The following DNAH17 variants were observed in gnomAD, a reference collection of about 807,000 sequenced individuals.
DNAH17 encodes axonemal beta dynein heavy chain 17.
In DNAH17, 376 loss-of-function variants were observed where a neutral mutation model predicts 485.6. That is an observed-to-expected ratio of 0.77 (90% CI 0.71 to 0.84). The LOEUF (loss-of-function observed/expected upper bound fraction) is 0.84. Among genes scored for constraint, DNAH17 ranks in the 40% least tolerant of loss-of-function variants. The probability of loss-of-function intolerance (pLI) is 0.00; values close to 1 mark genes in which losing one functional copy is unlikely to be tolerated. For missense variants in DNAH17, 6,370 were observed against 5,839.3 expected, an observed-to-expected ratio of 1.09 and a Z score of -2.96; for synonymous variants, 3,031 against 2,405.9, an observed-to-expected ratio of 1.26 and a Z score of -7.60.
At chr17:78,566,052 T>C (rs560083302) in intron 11 of DNAH17, among the ~76,000 whole-genome samples, 2 of 152,128 alleles carry the variant, frequency 1.3e-5, no homozygotes, top group African/African-American at 2.4e-5. Flanking sequence ...CCTTCTGCCA[T>C]GTAAGGACCA....
At chr17:78,538,905 C>T (rs1365564316) in intron 18 of DNAH17, among the ~76,000 whole-genome samples, 1 of 152,038 alleles carries the variant, frequency 6.6e-6, no homozygotes, top group African/African-American at 2.4e-5. Flanking sequence ...GGCCTCCTGG[C>T]GGTACTCAAA....
rs1022495484 is a variant in DNAH17 at position 78,429,049 on chromosome 17, G to C, written c.12405+72C>G. 5 of 1,511,470 alleles carry C rather than the reference G, an allele frequency of 3.3e-6. No homozygotes were observed. The African/African-American group carries it at 6.9e-5, about 21-fold the overall frequency. The allele number at this position is 1,511,470 out of a possible 1,614,324, so 93.6% of individuals were successfully genotyped here. ...TTGCTCAATTATTGACACTCCATTT[G>C]TGCTGGCAGGCTCTCACCGGGAGGC... On this transcript the variant is annotated intron_variant, in intron 76 of 80. Coordinates refer to ENST00000389840, the MANE Select transcript of DNAH17 (RefSeq NM_173628.4).
In DNAH17 at chr17:78,450,251, C is replaced by T; in HGVS notation, c.11040+3G>A. The stretch of plus-strand genomic sequence containing the variant: ...GGCACCCAGCCCCAGCTGCAGGGCG[C>T]ACCTTGAGGGAGAACTGGTAGACGG... On this transcript the variant is annotated splice_donor_region_variant and intron_variant, in intron 68 of 80. Transcript: ENST00000389840. 4 of 1,613,678 alleles carry T rather than the reference C, an allele frequency of 2.5e-6. No individual in the cohort carries two copies. Among genetic ancestry groups the T allele is most frequent in the Non-Finnish European group, 2.5e-6 (3 of 1,179,750 alleles).
chr17:78,437,625 GC>G lies in DNAH17; in HGVS notation c.12033+15del. On this transcript the variant is annotated intron_variant, in intron 74 of 80. Transcript: ENST00000389840. ...GGCATGGGATGGGGAGGCAGCCCGA[GC>G]AGGCGTGGCCCTACCTGGGTGAACA... The G allele has an allele frequency of 6.3e-7, 1 of 1,586,434 alleles. No individual in the cohort carries two copies. Among genetic ancestry groups the G allele is most frequent in the Non-Finnish European group, 8.6e-7 (1 of 1,164,274 alleles).
chr17:78,515,067 G>C, intron 25 of DNAH17, 45 bp from the exon 26 acceptor site: 1 of 1,604,096 alleles, frequency 6.2e-7, no homozygotes. Flanking sequence ...TCATCAAGGA[G>C]AATTCAGGAA....
Position 78,425,310 on chromosome 17 carries a change from T to C in DNAH17, c.13141+36A>G, listed in dbSNP as rs773809922. The C allele has an allele frequency of 1.9e-6, 3 of 1,596,554 alleles. No individual in the cohort carries two copies. The South Asian group carries it at 3.3e-5, about 18-fold the overall frequency. ...TTGTCTTGGCAAGTAGCACTGGCTC[T>C]GGAAGCTTCTGCAGACAGACAAGAG... On this transcript the variant is annotated intron_variant, in intron 80 of 80. Coordinates refer to ENST00000389840, the MANE Select transcript of DNAH17 (RefSeq NM_173628.4).
At chr17:78,504,906 T>G (rs1388393297) in intron 31 of DNAH17, among the ~76,000 whole-genome samples, 2 of 138,312 alleles carry the variant, frequency 1.4e-5, no homozygotes, top group Non-Finnish European at 3.1e-5. Context: ...TTTTTTTTTT[T>G]TTTTTTTTTT....
intron 37 of DNAH17, among the ~76,000 whole-genome samples, chr17:78,497,960 C>T (rs692731): frequency 0.87 from 132,310 of 152,032 alleles, 58,009 homozygotes; most frequent in East Asian, 0.98. Flanking sequence ...CTGACCAACA[C>T]GGAGAAACCC....
Position 78,502,666 on chromosome 17 carries a change from C to G in DNAH17, c.5115G>C (p.Thr1705=), listed in dbSNP as rs369830967. 1 of 1,612,680 alleles carries G rather than the reference C, an allele frequency of 6.2e-7. No homozygotes were observed. The highest frequency in any genetic ancestry group is 1.3e-5 in the African/African-American group (1 of 74,952). ...TGGCAAATGCCAGGCCCACCTCGGT[C>G]GTCCACCAGATCTGGGTGCAAGTCA... ...VALTCTQIWW[T]TEVGLAFARL... is the part of the protein sequence containing the mutation. The change falls in exon 33 of 81, where the codon ACG becomes ACC. Residue 1705 remains threonine (T), a synonymous_variant. Coordinates refer to ENST00000389840, the MANE Select transcript of DNAH17 (RefSeq NM_173628.4).
chr17:78,499,175 G>A (rs2090183426), intron 36 of DNAH17, 63 bp from the exon 37 acceptor site: 2 of 1,214,662 alleles, frequency 1.6e-6, no homozygotes, highest in Non-Finnish European at 2.3e-6. Context: ...GGGCGCTGCA[G>A]GGGCCTCCCC....
rs74357643 is a variant in DNAH17, at chr17:78,479,387, A to G, written c.7900+98T>C. 54,875 of 1,361,088 alleles carry G rather than the reference A, an allele frequency of 0.04. 1,387 individuals carry two copies. The highest frequency in any genetic ancestry group is 0.1 in the African/African-American group (6,759 of 67,888). The allele number at this position is 1,361,088 out of a possible 1,614,324, so 84.3% of individuals were successfully genotyped here. On this transcript the variant is annotated intron_variant, in intron 50 of 80. Coordinates refer to ENST00000389840, the MANE Select transcript of DNAH17 (RefSeq NM_173628.4). ...GTTTTTAAGATATTGATTTAGAATT[A>G]TAAATAAAATATTTATCAAGGGAAA...
At chr17:78,493,942 C>G (rs948736022) in intron 41 of DNAH17, 94 bp downstream of exon 41, 249 of 1,472,524 alleles carry the variant, frequency 1.7e-4, no homozygotes, top group Middle Eastern at 1.5e-3. Flanking sequence ...TTGGGGTCTC[C>G]GGGGTGGCGG....
intron 49 of DNAH17, among the ~76,000 whole-genome samples, chr17:78,480,418 A>G (rs533683713): frequency 6.6e-6 from 1 of 152,170 alleles, no homozygotes; most frequent in African/African-American, 2.4e-5. Context: ...CTTAGACTAA[A>G]AACATATTTA....
In DNAH17 at chr17:78,441,119, C is replaced by A; in HGVS notation, c.11609G>T (p.Ser3870Ile). 6.2e-7 allele frequency: 1 copy of A among 1,613,874 alleles called. No individual in the cohort carries two copies. The highest frequency in any genetic ancestry group is 8.5e-7 in the Non-Finnish European group (1 of 1,179,860). Reference protein sequence around the residue: ...VEFSKSYEESSPSTSIFFILS... With the variant: ...VEFSKSYEESIPSTSIFFILS... ...GATGAAGAAGATTGACGTGGAGGGGCTGCTCTCCTCGTAGGACTTAGAAAA... is the reference window on the plus strand; with the variant it reads ...GATGAAGAAGATTGACGTGGAGGGGATGCTCTCCTCGTAGGACTTAGAAAA... Residue 3870 changes from serine (S) to isoleucine (I), a missense_variant, in exon 72 of 81, where the codon AGC (serine) becomes ATC (isoleucine). Coordinates refer to ENST00000389840, the MANE Select transcript of DNAH17 (RefSeq NM_173628.4).
At position 78,484,979 on chromosome 17, in the gene DNAH17, C is replaced by T. The variant is rs776857462; in HGVS notation, c.7538G>A (p.Gly2513Asp). ...GATGAAGTAGACGAGCTTCTTAGTG[C>T]CTGGCGGCCCGTAGTTCCTCCCCGA... ...KKSGRNYGPP[G>D]TKKLVYFIDD... Residue 2513 changes from glycine to aspartate, a missense_variant, in exon 48 of 81, where the codon GGC becomes GAC. By Grantham distance (94) the Gly-to-Asp change is moderately conservative. Coordinates refer to ENST00000389840, the MANE Select transcript of DNAH17 (RefSeq NM_173628.4). The T allele has an allele frequency of 6.2e-6, 10 of 1,613,486 alleles. No individual in the cohort carries two copies. The South Asian group carries it at 1.1e-4, about 18-fold the overall frequency.
chr17:78,466,397 C>T lies in DNAH17; in HGVS notation c.8940+258G>A, dbSNP rs553932775. Reference sequence around the variant, plus strand: ...CTCCACTATTGTCCTATGACCCTGCCAAGTCCCCCTCTGTGAGAAACACCC... The same window carrying T: ...CTCCACTATTGTCCTATGACCCTGCTAAGTCCCCCTCTGTGAGAAACACCC... On this transcript the variant is annotated intron_variant, in intron 56 of 80. Coordinates refer to ENST00000389840, the MANE Select transcript of DNAH17 (RefSeq NM_173628.4). Among the ~76,000 whole-genome samples the T allele has an allele frequency of 2.0e-5, 3 of 152,072 alleles. No individual in the cohort carries two copies. The East Asian group carries it at 5.8e-4, about 29-fold the overall frequency.
chr17:78,510,447 G>A lies in DNAH17; in HGVS notation c.4173C>T (p.His1391=), dbSNP rs1427696389. The change falls in exon 27 of 81, where the codon CAC becomes CAT. Residue 1391 remains histidine, a synonymous_variant. Transcript: ENST00000389840. ...TLADLLQLNL[H]SYEDEVRNIV... is the part of the protein sequence containing the mutation. ...TGTTGCGGACCTCATCCTCGTAACT[G>A]TGGAGGTTCAGCTGCAGTAAATCTG... 3.7e-6 allele frequency: 6 copies of A among 1,613,788 alleles called. No homozygotes were observed. In the East Asian group the frequency reaches 8.9e-5, roughly 24 times the overall value.
intron 30 of DNAH17, among the ~76,000 whole-genome samples, chr17:78,506,294 A>C (rs1343126868): frequency 6.6e-6 from 1 of 151,748 alleles, no homozygotes; most frequent in Non-Finnish European, 1.5e-5. Flanking sequence ...GGTGTGAGCC[A>C]CTGTGCCTGA....
intron 26 of DNAH17, 25 bp from the exon 27 acceptor site, chr17:78,510,531 A>T: frequency 6.2e-7 from 1 of 1,612,808 alleles, no homozygotes; most frequent in Non-Finnish European, 8.5e-7. Context: ...TCCAGGCAGG[A>T]TTCATTTCAG....
Sources: allele counts gnomAD v4.1 joint callset (sites outside exome capture counted in the v4.1 genomes callset), GRCh38; gene constraint gnomAD v4.1.1; transcripts MANE v1.5; gene names NCBI Gene and HGNC (gene_info 2026-07-23, HGNC 2026-07-21).